The following GP2 variants were observed in gnomAD, a reference collection of about 807,000 sequenced individuals.
GP2 encodes the protein glycoprotein 2.
Under a neutral mutation model 60.8 loss-of-function variants are expected in GP2, and 58 were observed. That is an observed-to-expected ratio of 0.95 (90% CI 0.77 to 1.19). The LOEUF is 1.19. GP2 is among the 50% of genes most tolerant of loss of function. The probability of loss-of-function intolerance (pLI) is 0.00; values close to 1 mark genes in which losing one functional copy is unlikely to be tolerated. For synonymous variants in GP2, 280 were observed against 253.4 expected (o/e 1.10, Z -1.00); for missense variants, 647 against 667.4 (o/e 0.97, Z 0.34).
chr16:20,327,184 T>C (rs1033133714), intron 1 of GP2: 2 of 267,904 alleles, frequency 7.5e-6, no homozygotes, highest in East Asian at 9.0e-5. Context: ...GCACCCAGGA[T>C]TGGTGATTCT....
intron 10 of GP2, among the ~76,000 whole-genome samples, chr16:20,314,281 AG>A (rs1332696496): frequency 6.7e-6 from 1 of 149,984 alleles, no homozygotes; most frequent in Non-Finnish European, 1.5e-5. Context: ...TGAAAAAAAA[AG>A]AAATGAATTT....
chr16:20,323,685 T>C (rs1385755379), intron 3 of GP2, 131 bp downstream of exon 3: 1 of 642,762 alleles, frequency 1.6e-6, no homozygotes, highest in African/African-American at 1.8e-5. Context: ...GAGTTCTCAC[T>C]GGGCAGGAGC....
intron 3 of GP2, chr16:20,323,334 C>T (rs1395823492): frequency 8.4e-6 from 6 of 717,668 alleles, no homozygotes. Context: ...TAGGAGAGCC[C>T]CTTAATCTCT....
intron 10 of GP2, 135 bp downstream of exon 10, chr16:20,314,522 G>GCAT: frequency 1.4e-6 from 1 of 728,428 alleles, no homozygotes; most frequent in Admixed American, 1.9e-5. Flanking sequence ...TATACTGTGG[G>GCAT]CATCTCAAAG....
At chr16:20,316,671 T>C (rs1490923227) in intron 8 of GP2, among the ~76,000 whole-genome samples, 1 of 152,212 alleles carries the variant, frequency 6.6e-6, no homozygotes, top group African/African-American at 2.4e-5. Context: ...TGGAATCTAG[T>C]AGACAGATTT....
In GP2 at chr16:20,324,167, G is replaced by T; in HGVS notation, c.184C>A (p.Pro62Thr). 1 of 1,613,790 alleles carries T rather than the reference G, an allele frequency of 6.2e-7. No homozygotes were observed. Among genetic ancestry groups the T allele is most frequent in the Non-Finnish European group, 8.5e-7 (1 of 1,179,672 alleles). Residue 62 changes from proline to threonine, a missense_variant, in exon 3 of 11, where the codon CCC becomes ACC. Pro to Thr is a conservative substitution (Grantham distance 38). Coordinates refer to ENST00000302555, the MANE Select transcript of GP2 (RefSeq NM_001502.4). ...TCCAGGAGGGTGTAATTCTGACAGGGGTCAAAACAGACATGAGCCTCTGGG... is the reference window on the plus strand; with the variant it reads ...TCCAGGAGGGTGTAATTCTGACAGGTGTCAAAACAGACATGAGCCTCTGGG... ...GTPEAHVCFD[P>T]CQNYTLLDEP...
rs750217986 is a variant in GP2 at position 20,316,025 on chromosome 16, G to A, written c.1432C>T (p.Gln478Ter). Residue 478 changes from glutamine to a stop codon, truncating the protein, a stop_gained, in exon 9 of 11, where the codon CAA becomes TAA. Coordinates refer to ENST00000302555, the MANE Select transcript of GP2 (RefSeq NM_001502.4). LOFTEE classifies it high-confidence loss of function. ...ATGGCCGGTACTTCACTGCGGACTT[G>A]ACTTCTTGAGCAAGACTGTAGGGAT... ...EQCQPSCSRS[Q>*]VRSEVPAIDL... The A allele has an allele frequency of 1.2e-6, 2 of 1,610,690 alleles. No individual in the cohort carries two copies. Among genetic ancestry groups the A allele is most frequent in the South Asian group, 1.1e-5 (1 of 91,008 alleles).
intron 10 of GP2, among the ~76,000 whole-genome samples, chr16:20,314,181 A>G (rs1964083176): frequency 6.6e-6 from 1 of 151,578 alleles, no homozygotes; most frequent in Non-Finnish European, 1.5e-5. Flanking sequence ...CATGGCACAT[A>G]TATACCTATG....
intron 5 of GP2, 59 bp downstream of exon 5, chr16:20,320,203 G>T: frequency 1.6e-6 from 2 of 1,236,778 alleles, no homozygotes; most frequent in Non-Finnish European, 2.4e-6. Context: ...GAGCTACTAT[G>T]ATAGGTCCCA....
At position 20,316,126 on chromosome 16, in the gene GP2, C is replaced by G. The variant is rs1964158522; in HGVS notation, c.1417-86G>C. 1.9e-5 allele frequency: 16 copies of G among 825,128 alleles called. No homozygotes were observed. The East Asian group carries it at 3.8e-4, about 20-fold the overall frequency. The allele number at this position is 825,128 out of a possible 1,614,324, so 51.1% of individuals were successfully genotyped here. ...GCTCCTACAATGGGCAGCTCTGGAC[C>G]AAGAACTGTGTCCAGAACTGGTTCA... On this transcript the variant is annotated intron_variant, in intron 8 of 10. Coordinates refer to ENST00000302555, the MANE Select transcript of GP2 (RefSeq NM_001502.4).
chr16:20,325,963 C>T (rs1964519988), intron 2 of GP2, among the ~76,000 whole-genome samples: 1 of 152,146 alleles, frequency 6.6e-6, no homozygotes, highest in Admixed American at 6.5e-5. Context: ...ATCTGAATTG[C>T]CCACTTCATA....
At chr16:20,321,517 G>A (rs1451034233) in intron 4 of GP2, among the ~76,000 whole-genome samples, 1 of 152,214 alleles carries the variant, frequency 6.6e-6, no homozygotes, top group Non-Finnish European at 1.5e-5. Flanking sequence ...GATGCAGGGG[G>A]AGCAGAGAAG....
intron 10 of GP2, 144 bp downstream of exon 10, chr16:20,314,513 A>G (rs1300255022): frequency 4.2e-6 from 3 of 709,966 alleles, no homozygotes; most frequent in Non-Finnish European, 5.2e-6. Context: ...CTCCTCCACT[A>G]TACTGTGGGC....
intron 5 of GP2, 75 bp from the exon 6 acceptor site, chr16:20,319,843 T>G: frequency 1.7e-6 from 2 of 1,195,596 alleles, no homozygotes; most frequent in East Asian, 2.3e-5. Flanking sequence ...CCAGATCTGA[T>G]TTCCAGAGTC....
At position 20,319,685 on chromosome 16, in the gene GP2, G is replaced by A. The variant is rs371135424; in HGVS notation, c.942C>T (p.Asn314=). 85 of 1,607,954 alleles carry A rather than the reference G, an allele frequency of 5.3e-5. No homozygotes were observed. Among genetic ancestry groups the A allele is most frequent in the Non-Finnish European group, 6.8e-5 (80 of 1,174,452 alleles). ...TGTCCAGTGGGTAGGCACATTGGAA[G>A]TTGATGTTGAGGATGGTGTCTCTGA... ...FIIRDTILNI[N]FQCAYPLDMK... The change falls in exon 6 of 11, where the codon AAC becomes AAT. Residue 314 remains asparagine, a synonymous_variant. Coordinates refer to ENST00000302555, the MANE Select transcript of GP2 (RefSeq NM_001502.4).
Position 20,311,241 on chromosome 16 carries a change from G to A in GP2, c.1587C>T (p.Leu529=), listed in dbSNP as rs773094315. 3.1e-6 allele frequency: 5 copies of A among 1,610,424 alleles called. No individual in the cohort carries two copies. The highest frequency in any genetic ancestry group is 1.7e-4 in the Middle Eastern group (1 of 6,056). ...GGAGCTCTCAGAACAGCCAAGCCAG[G>A]AGGACAGTCAGGAGGACCATAGGCC... is the stretch of plus-strand genomic sequence containing the variant. ...VAWPMVLLTV[L]LAWLF Residue 529 remains leucine, a synonymous_variant, in exon 11 of 11, where the codon CTC becomes CTT. Transcript: ENST00000302555.
chr16:20,314,828 T>C (rs554505744), intron 9 of GP2, 127 bp from the exon 10 acceptor site: 12 of 741,516 alleles, frequency 1.6e-5, no homozygotes, highest in Admixed American at 7.6e-5. Context: ...TGTGGCCACA[T>C]TGTGGGGGCA....
At position 20,322,611 on chromosome 16, in the gene GP2, AG is replaced by A. The variant is rs1964399013; in HGVS notation, c.646+257del. Reference sequence around the variant, plus strand: ...ATCATCTTCAGTGTCTTCATCCCTCAGGGGTCAAGCCTGCCCATGTCAGAAC... The same window carrying A: ...ATCATCTTCAGTGTCTTCATCCCTCAGGGTCAAGCCTGCCCATGTCAGAAC... On this transcript the variant is annotated intron_variant, in intron 4 of 10. Transcript: ENST00000302555. 2.0e-5 allele frequency among the ~76,000 whole-genome samples: 3 copies of A among 152,224 alleles called. No homozygotes were observed. The South Asian group carries it at 6.2e-4, about 32-fold the overall frequency.
intron 2 of GP2, among the ~76,000 whole-genome samples, chr16:20,325,718 A>G (rs570935019): frequency 7.9e-5 from 12 of 152,298 alleles, no homozygotes; most frequent in African/African-American, 2.9e-4. Context: ...AAAAAAAGAG[A>G]TTTTCAAGCT....
Sources: gnomAD v4.1 joint callset for allele counts (sites outside exome capture counted in the v4.1 genomes callset) on GRCh38, gnomAD v4.1.1 for gene constraint, MANE v1.5 for transcripts, NCBI Gene and HGNC (gene_info 2026-07-23, HGNC 2026-07-21) for gene names.